The following ARSL variants were observed in gnomAD, a reference collection of about 807,000 sequenced individuals.
The protein encoded by ARSL is arylsulfatase E (chondrodysplasia punctata 1).
Under a neutral mutation model 31.1 loss-of-function variants are expected in ARSL, and 4 were observed. That is an observed-to-expected ratio of 0.13 (90% confidence interval 0.06 to 0.29). ARSL has a LOEUF of 0.29. Ranked by LOEUF, ARSL falls within the 10% of genes least tolerant of loss-of-function variation. The probability of loss-of-function intolerance (pLI) is 1.00; values close to 1 mark genes in which losing one functional copy is unlikely to be tolerated. For missense variants in ARSL, 312 were observed against 497.8 expected (o/e 0.63, Z 3.55); for synonymous variants, 198 against 209.9 (o/e 0.94, Z 0.49).
chrX:2,939,146 C>T (rs758352205), intron 8 of ARSL, among the ~76,000 whole-genome samples: 31 of 110,195 alleles, frequency 2.8e-4, no homozygotes, highest in Non-Finnish European at 5.1e-4. Context: ...AAGATCGTCG[C>T]GGAGAAGGAT....
In ARSL at chrX:2,935,105, C is replaced by T. The variant is rs75821383; in HGVS notation, c.1497G>A (p.Pro499=). ...GGTGGACTACTTTTTCCCCAAAGCA[C>T]GGGCAGACCTTTCTTCCATAGCAGG... ...AGACYGRKVC[P]CFGEKVVHHD... The change falls in exon 11 of 11, where the codon CCG becomes CCA. Residue 499 remains proline (P), a synonymous_variant. Coordinates refer to ENST00000381134, the MANE Select transcript of ARSL (RefSeq NM_000047.3). The T allele has an allele frequency of 8.6e-5, 104 of 1,209,782 alleles. No homozygotes were observed. The highest frequency in any genetic ancestry group is 8.2e-4 in the African/African-American group (47 of 57,217).
intron 6 of ARSL, among the ~76,000 whole-genome samples, chrX:2,947,215 C>A (rs2089397620): frequency 9.0e-6 from 1 of 111,213 alleles, no homozygotes; most frequent in Non-Finnish European, 1.9e-5. Flanking sequence ...TAAAAACCCA[C>A]ACTGATCTAA....
chrX:2,967,555 T>C (rs748642806), upstream of ARSL, among the ~76,000 whole-genome samples: 13 of 111,520 alleles, frequency 1.2e-4, no homozygotes, highest in Admixed American at 2.9e-4. Flanking sequence ...GAGACCAGCC[T>C]GGACAACACG....
In ARSL at chrX:2,959,941, G is replaced by GAGAA. The variant is rs35961426; in HGVS notation, c.23+433_23+436dup. The GAGAA allele has an allele frequency of 0.014, 3,103 of 216,156 alleles. 61 individuals are homozygous for GAGAA. Among genetic ancestry groups the GAGAA allele is most frequent in the African/African-American group, 0.054 (1,635 of 30,526 alleles). 17.8% of individuals were successfully genotyped at this position (216,156 alleles called of 1,213,427 possible). A position where few individuals can be genotyped will look rare whatever the true frequency, so the allele number is the denominator to read the frequency against. On this transcript the variant is annotated intron_variant, in intron 2 of 10. Coordinates refer to ENST00000381134, the MANE Select transcript of ARSL (RefSeq NM_000047.3). Reference sequence around the variant, plus strand: ...AAGGGAAGGAAGGAAGAAAGAGAGAGAGAAAGAAAGAAAGAAAGAAAGAAA... The same window carrying GAGAA: ...AAGGGAAGGAAGGAAGAAAGAGAGAGAGAAAGAAAGAAAGAAAGAAAGAAAGAAA...
At chrX:2,957,958 G>C (rs2089549530) in intron 3 of ARSL, among the ~76,000 whole-genome samples, 1 of 111,085 alleles carries the variant, frequency 9.0e-6, no homozygotes, top group South Asian at 3.8e-4. Flanking sequence ...GGAGGTCAAG[G>C]CTGCAGTGAG....
rs193203644 is a variant in ARSL at position 2,958,402 on chromosome X, G to A, written c.57C>T (p.Leu19=). ...LCFRSWLPAM[L]AVLLSLAPSA... is the part of the protein sequence containing the mutation. ...ATGGTGCCAAACTTAGCAGTACAGC[G>A]AGCATCGCTGGCAGCCAGCTCCTGA... The change falls in exon 3 of 11, where the codon CTC becomes CTT. Residue 19 remains leucine (L), a synonymous_variant. Transcript: ENST00000381134. 4.1e-6 allele frequency: 5 copies of A among 1,210,718 alleles called. No homozygotes were observed. The East Asian group carries it at 1.5e-4, about 36-fold the overall frequency.
intron 1 of ARSL, among the ~76,000 whole-genome samples, chrX:2,962,144 T>C (rs1301925485): frequency 9.0e-6 from 1 of 111,059 alleles, no homozygotes; most frequent in African/African-American, 3.3e-5. Context: ...ATGTATTTGA[T>C]TGACACCTCA....
intron 3 of ARSL, 58 bp downstream of exon 3, chrX:2,958,216 T>C: frequency 8.4e-7 from 1 of 1,194,231 alleles, no homozygotes; most frequent in Non-Finnish European, 1.1e-6. Context: ...TTCAGTGGCT[T>C]CTCTTTCTTC....
intron 9 of ARSL, among the ~76,000 whole-genome samples, chrX:2,937,503 C>A (rs1038883078): frequency 9.0e-6 from 1 of 110,941 alleles, no homozygotes; most frequent in East Asian, 2.8e-4. Flanking sequence ...CCTTGAAGCG[C>A]GATAAAATAA....
At chrX:2,952,676 G>T (rs751622692) in intron 5 of ARSL, among the ~76,000 whole-genome samples, 1 of 112,425 alleles carries the variant, frequency 8.9e-6, no homozygotes, top group East Asian at 2.8e-4. Flanking sequence ...AAGGTGTTCA[G>T]TCTAAGACAT....
chrX:2,962,479 G>GA (rs1239626494), intron 1 of ARSL, among the ~76,000 whole-genome samples: 1 of 110,864 alleles, frequency 9.0e-6, no homozygotes, highest in Non-Finnish European at 1.9e-5. Flanking sequence ...AAGTGGCCGT[G>GA]GTGTCTGTCC....
chrX:2,948,238 G>A (rs1289648818), intron 6 of ARSL, among the ~76,000 whole-genome samples: 1 of 112,343 alleles, frequency 8.9e-6, no homozygotes, highest in African/African-American at 3.2e-5. Flanking sequence ...CCCTTGGGGA[G>A]CATGAAAATA....
chrX:2,965,852 G>C (rs759615706), upstream of ARSL, among the ~76,000 whole-genome samples: 8 of 112,565 alleles, frequency 7.1e-5, no homozygotes, highest in South Asian at 2.9e-3. Flanking sequence ...AGTGAGCCGA[G>C]ACTGTGCCGC....
intron 1 of ARSL, 73 bp from the exon 2 acceptor site, chrX:2,960,493 A>G: frequency 1.9e-6 from 2 of 1,045,582 alleles, no homozygotes; most frequent in South Asian, 4.0e-5. Context: ...AACAGTAAGT[A>G]AGTAATTAGG....
At chrX:2,967,341 T>C (rs1271634730), upstream of ARSL, among the ~76,000 whole-genome samples, 2 of 112,476 alleles carry the variant, frequency 1.8e-5, no homozygotes, top group Non-Finnish European at 3.7e-5. Context: ...AACTCTGCAC[T>C]TTAACCCTTG....
At chrX:2,964,444 C>T, upstream of ARSL, 4 of 752,649 alleles carry the variant, frequency 5.3e-6, no homozygotes, top group Non-Finnish European at 6.3e-6. Flanking sequence ...GCCACGCCCA[C>T]GTCTACCAAA....
At chrX:2,949,763 C>G in intron 5 of ARSL, 36 bp from the exon 6 acceptor site, 1 of 1,166,759 alleles carries the variant, frequency 8.6e-7, no homozygotes, top group Non-Finnish European at 1.2e-6. Flanking sequence ...TGACAAGCAT[C>G]TGAGCATAAC....
At chrX:2,940,349 G>A (rs759350143) in intron 8 of ARSL, among the ~76,000 whole-genome samples, 119 of 110,870 alleles carry the variant, frequency 1.1e-3, no homozygotes, top group African/African-American at 3.8e-3. Flanking sequence ...TAAATGTCTA[G>A]AGTAGGAAAA....
At chrX:2,957,322 C>T (rs1021769345) in intron 3 of ARSL, among the ~76,000 whole-genome samples, 1 of 110,658 alleles carries the variant, frequency 9.0e-6, no homozygotes, top group Non-Finnish European at 1.9e-5. Context: ...CCTGCCTCAG[C>T]CTCCCAAAGG....
Sources: allele counts gnomAD v4.1 joint callset (sites outside exome capture counted in the v4.1 genomes callset), GRCh38; gene constraint gnomAD v4.1.1; transcripts MANE v1.5; gene names NCBI Gene and HGNC (gene_info 2026-07-23, HGNC 2026-07-21).